SEMA6D: variants seen among roughly 807,000 people sequenced by gnomAD.
SEMA6D encodes the protein semaphorin 6D.
A neutral mutation model predicts 106.6 loss-of-function variants in SEMA6D; 35 were observed. The ratio of observed to expected loss-of-function variants is 0.33; its 90% CI spans 0.25 to 0.44. SEMA6D has a LOEUF of 0.44. Among genes scored for constraint, SEMA6D ranks in the 20% least tolerant of loss-of-function variants. The pLI is 1.00. For missense variants in SEMA6D, 1,185 were observed against 1,345.9 expected (o/e 0.88, Z 1.87); for synonymous variants, 499 against 487.7 (o/e 1.02, Z -0.31).
chr15:47,510,207 G>A (rs1029151756), intron 3 of SEMA6D, among the ~76,000 whole-genome samples: 3 of 152,114 alleles, frequency 2.0e-5, no homozygotes, highest in Non-Finnish European at 4.4e-5. Flanking sequence ...AATCAGCTGT[G>A]TCATTAGATT....
chr15:47,457,530 T>C (rs1013317347), intron 2 of SEMA6D, among the ~76,000 whole-genome samples: 12 of 151,908 alleles, frequency 7.9e-5, no homozygotes, highest in African/African-American at 2.2e-4. Flanking sequence ...TTCAAACTTG[T>C]AGAGATAAAA....
intron 1 of SEMA6D, among the ~76,000 whole-genome samples, chr15:47,251,046 T>G (rs1404191829): frequency 6.6e-6 from 1 of 152,186 alleles, no homozygotes; most frequent in Non-Finnish European, 1.5e-5. Context: ...AAGATCTGTC[T>G]TTGAGAGAGC....
intron 3 of SEMA6D, among the ~76,000 whole-genome samples, chr15:47,555,811 G>A (rs1468210026): frequency 6.6e-6 from 1 of 152,108 alleles, no homozygotes; most frequent in Non-Finnish European, 1.5e-5. Flanking sequence ...AGCATAAATT[G>A]GGTCAAATTC....
chr15:47,594,235 C>T (rs2076495748), intron 3 of SEMA6D, among the ~76,000 whole-genome samples: 1 of 152,188 alleles, frequency 6.6e-6, no homozygotes, highest in East Asian at 1.9e-4. Flanking sequence ...AAACTTCCTC[C>T]TTTAAGAAGA....
chr15:47,319,660 G>A (rs1022737285), intron 1 of SEMA6D, among the ~76,000 whole-genome samples: 13 of 152,000 alleles, frequency 8.6e-5, no homozygotes, highest in East Asian at 1.9e-4. Context: ...GGTTAGCTTC[G>A]GGTTAATTCG....
chr15:47,396,923 C>G (rs186302641), intron 1 of SEMA6D, among the ~76,000 whole-genome samples: 2 of 152,244 alleles, frequency 1.3e-5, no homozygotes, highest in East Asian at 1.9e-4. Context: ...ATCTGTGTCT[C>G]CTTTTCTAAC....
At chr15:47,215,782 A>G (rs1416100515) in intron 1 of SEMA6D, among the ~76,000 whole-genome samples, 1 of 152,188 alleles carries the variant, frequency 6.6e-6, no homozygotes, top group Non-Finnish European at 1.5e-5. Flanking sequence ...TGATAATATT[A>G]TAGATTACAT....
At chr15:47,731,003 G>C (rs2080085011) in intron 1 of SEMA6D, 1 of 605,770 alleles carries the variant, frequency 1.7e-6, no homozygotes, top group Non-Finnish European at 2.9e-6. Context: ...CAAATACCAT[G>C]CTGATTTTAG....
chr15:47,674,211 A>G (rs754522557), intron 4 of SEMA6D, among the ~76,000 whole-genome samples: 23 of 152,210 alleles, frequency 1.5e-4, no homozygotes, highest in Non-Finnish European at 2.8e-4. Context: ...ATTTCCAAAT[A>G]AGAACTGAGT....
At chr15:47,602,919 G>T (rs1188624007) in intron 4 of SEMA6D, among the ~76,000 whole-genome samples, 1 of 152,074 alleles carries the variant, frequency 6.6e-6, no homozygotes, top group Non-Finnish European at 1.5e-5. Context: ...AATGACAAGT[G>T]GATAGGATCC....
chr15:47,360,288 C>T (rs1044258304), intron 1 of SEMA6D, among the ~76,000 whole-genome samples: 1 of 152,160 alleles, frequency 6.6e-6, no homozygotes, highest in Non-Finnish European at 1.5e-5. Context: ...TCAGTTCCCC[C>T]CCAGTGAATG....
chr15:47,525,916 G>A (rs995996801), intron 3 of SEMA6D, among the ~76,000 whole-genome samples: 25 of 152,078 alleles, frequency 1.6e-4, no homozygotes, highest in African/African-American at 4.3e-4. Context: ...AAACAAAGGC[G>A]AAACAAGTCC....
intron 1 of SEMA6D, among the ~76,000 whole-genome samples, chr15:47,346,407 G>A (rs1174302257): frequency 6.6e-6 from 1 of 152,084 alleles, no homozygotes; most frequent in African/African-American, 2.4e-5. Flanking sequence ...TCATCTCTGG[G>A]CCACATGTGG....
intron 4 of SEMA6D, among the ~76,000 whole-genome samples, chr15:47,663,323 A>G (rs1442634376): frequency 6.6e-6 from 1 of 152,220 alleles, no homozygotes; most frequent in Admixed American, 6.5e-5. Flanking sequence ...AGCTAGTAAG[A>G]TGCTTGAAAT....
intron 1 of SEMA6D, among the ~76,000 whole-genome samples, chr15:47,192,980 T>C (rs1422459626): frequency 6.6e-6 from 1 of 152,232 alleles, no homozygotes; most frequent in Non-Finnish European, 1.5e-5. Context: ...TAATTCTTGC[T>C]ATCTCCACTG....
chr15:47,689,713 A>G (rs941143015), intron 4 of SEMA6D, among the ~76,000 whole-genome samples: 75 of 152,324 alleles, frequency 4.9e-4, no homozygotes, highest in Non-Finnish European at 1.0e-4. Flanking sequence ...CACCACCTTC[A>G]GATGCCCTGC....
In SEMA6D at chr15:47,720,229, T is replaced by TTCC. The variant is rs1555414119; in HGVS notation, c.-55+2540_-55+2542dup. Among the ~76,000 whole-genome samples the TTCC allele has an allele frequency of 5.1e-5, 5 of 97,772 alleles. No individual in the cohort carries two copies. The South Asian group carries it at 1.3e-3, about 25-fold the overall frequency. 64.1% of individuals were successfully genotyped at this position (97,772 alleles called of 152,430 possible). ...TACAGAATATTCCTACCTGGCCTTA[T>TTCC]TCCTCGTAGGGATGCTATATCAATA... On this transcript the variant is annotated intron_variant, in intron 1 of 18. Transcript: ENST00000536845.
intron 1 of SEMA6D, among the ~76,000 whole-genome samples, chr15:47,266,702 C>T (rs1424627033): frequency 2.0e-5 from 3 of 152,040 alleles, no homozygotes; most frequent in African/African-American, 7.2e-5. Context: ...ATAAGAAATA[C>T]TGATATTCTG....
chr15:47,554,732 C>T (rs2045866227), intron 3 of SEMA6D, among the ~76,000 whole-genome samples: 1 of 152,140 alleles, frequency 6.6e-6, no homozygotes, highest in Non-Finnish European at 1.5e-5. Flanking sequence ...TGTGTCACTG[C>T]TGTAGGTAAC....
Sources: allele counts gnomAD v4.1 joint callset (sites outside exome capture counted in the v4.1 genomes callset), GRCh38; gene constraint gnomAD v4.1.1; transcripts MANE v1.5; gene names NCBI Gene and HGNC (gene_info 2026-07-23, HGNC 2026-07-21).